Variants in EVC2 observed in about 807,000 individuals in gnomAD.
The protein encoded by EVC2 is limbin.
EVC2 carries 148 observed loss-of-function variants against 149.3 expected under a neutral mutation model. That is an observed-to-expected ratio of 0.99 (90% CI 0.87 to 1.14). The LOEUF (loss-of-function observed/expected upper bound fraction) is 1.14, where lower values mean the gene tolerates loss of function less well. Among genes scored for constraint, EVC2 ranks in the 50% most tolerant of loss-of-function variants. The probability of loss-of-function intolerance (pLI) is 0.00; values close to 1 mark genes in which losing one functional copy is unlikely to be tolerated. For missense variants in EVC2, 1,854 were observed against 1,627.3 expected (o/e 1.14, Z -2.40); for synonymous variants, 776 against 649.9 (o/e 1.19, Z -2.95).
chr4:5,656,051 T>C (rs1718500369), intron 9 of EVC2, among the ~76,000 whole-genome samples: 1 of 152,204 alleles, frequency 6.6e-6, no homozygotes, highest in Non-Finnish European at 1.5e-5. Flanking sequence ...AGAAAAGAGC[T>C]GCTTCCACTC....
intron 21 of EVC2, among the ~76,000 whole-genome samples, chr4:5,563,923 C>G (rs1023154700): frequency 1.3e-5 from 2 of 152,082 alleles, no homozygotes; most frequent in African/African-American, 4.8e-5. Context: ...CATAAAAAAG[C>G]TGCTGGAATC....
chr4:5,585,858 G>T (rs1415315915), intron 16 of EVC2, among the ~76,000 whole-genome samples: 1 of 151,764 alleles, frequency 6.6e-6, no homozygotes, highest in Non-Finnish European at 1.5e-5. Flanking sequence ...TCTAGCTGTT[G>T]TATTTTATTT....
At chr4:5,587,172 T>G (rs1712363110) in intron 16 of EVC2, among the ~76,000 whole-genome samples, 1 of 152,190 alleles carries the variant, frequency 6.6e-6, no homozygotes, top group African/African-American at 2.4e-5. Context: ...TAAGTGACAT[T>G]TAGGATTCAG....
chr4:5,632,091 G>A, intron 10 of EVC2, 59 bp from the exon 11 acceptor site: 3 of 1,604,998 alleles, frequency 1.9e-6, no homozygotes, highest in Non-Finnish European at 1.7e-6. Flanking sequence ...ACCTACATGT[G>A]CATGCAATGC....
chr4:5,592,700 T>C (rs1271288739), intron 16 of EVC2, among the ~76,000 whole-genome samples: 1 of 152,174 alleles, frequency 6.6e-6, no homozygotes, highest in Non-Finnish European at 1.5e-5. Flanking sequence ...ATAACTAGTA[T>C]ATCATCTTCT....
intron 17 of EVC2, among the ~76,000 whole-genome samples, chr4:5,583,572 A>G (rs1711995845): frequency 6.6e-6 from 1 of 152,016 alleles, no homozygotes; most frequent in African/African-American, 2.4e-5. Context: ...ACTTGAGCCA[A>G]TTTTGGTGAT....
At chr4:5,663,688 A>C (rs1719058003) in intron 8 of EVC2, among the ~76,000 whole-genome samples, 1 of 152,166 alleles carries the variant, frequency 6.6e-6, no homozygotes, top group Non-Finnish European at 1.5e-5. Flanking sequence ...TGGGAGGCTG[A>C]GGTGGATGGA....
At chr4:5,639,704 T>C (rs1178408380) in intron 10 of EVC2, among the ~76,000 whole-genome samples, 2 of 152,218 alleles carry the variant, frequency 1.3e-5, no homozygotes, top group African/African-American at 4.8e-5. Context: ...GGCTATATAG[T>C]CCAGAGGGGG....
chr4:5,544,589 A>G (rs919047255), intron 21 of EVC2, among the ~76,000 whole-genome samples: 7 of 152,226 alleles, frequency 4.6e-5, no homozygotes, highest in Admixed American at 2.6e-4. Flanking sequence ...CCAAGAGGGA[A>G]GAGTAGACTC....
At chr4:5,556,464 A>G (rs1721843220) in intron 21 of EVC2, among the ~76,000 whole-genome samples, 1 of 152,056 alleles carries the variant, frequency 6.6e-6, no homozygotes, top group Non-Finnish European at 1.5e-5. Flanking sequence ...AATTTATACT[A>G]TTAAATGCAT....
chr4:5,697,596 C>A lies in EVC2; in HGVS notation c.280G>T (p.Ala94Ser). 1.2e-6 allele frequency: 2 copies of A among 1,614,130 alleles called. No individual in the cohort carries two copies. The highest frequency in any genetic ancestry group is 1.1e-5 in the South Asian group (1 of 91,080). Residue 94 changes from alanine (A) to serine (S), a missense_variant, in exon 2 of 22, where the codon GCA becomes TCA. By Grantham distance (99) the Ala-to-Ser change is moderately conservative. Coordinates refer to ENST00000344408, the MANE Select transcript of EVC2 (RefSeq NM_147127.5). ...PKVECCHFKT[A>S]VEAPLGMKLD... ...ATCAACCAGAAGAAAAACTCACCTG[C>A]AGTCTTAAAGTGACAGCATTCCACT...
At chr4:5,568,318 A>C (rs1195320526) in intron 20 of EVC2, 126 bp downstream of exon 20, 2 of 1,010,858 alleles carry the variant, frequency 2.0e-6, no homozygotes, top group Non-Finnish European at 2.8e-6. Flanking sequence ...TCTATTTAAA[A>C]AATAAATTGG....
intron 9 of EVC2, among the ~76,000 whole-genome samples, chr4:5,642,357 T>A (rs567784456): frequency 2.6e-5 from 4 of 151,020 alleles, no homozygotes; most frequent in African/African-American, 9.7e-5. Context: ...CACAGATGCA[T>A]GCAAGTACAA....
chr4:5,549,918 T>C (rs1721704891), intron 21 of EVC2, among the ~76,000 whole-genome samples: 1 of 152,188 alleles, frequency 6.6e-6, no homozygotes, highest in Non-Finnish European at 1.5e-5. Context: ...TCTTATGAAA[T>C]CTGATGGTTT....
Position 5,698,915 on chromosome 4 carries a change from A to C in EVC2, c.229-1268T>G, listed in dbSNP as rs558466944. 1.9e-3 allele frequency among the ~76,000 whole-genome samples: 283 copies of C among 152,334 alleles called. 2 individuals are homozygous for C. Among genetic ancestry groups the C allele is most frequent in the African/African-American group, 6.5e-3 (269 of 41,590 alleles). ...TGACTAGTCCATGTGGCTACTGTTC[A>C]CATGGCTCTCACGCGGGCCAGACAC... On this transcript the variant is annotated intron_variant, in intron 1 of 21. Coordinates refer to ENST00000344408, the MANE Select transcript of EVC2 (RefSeq NM_147127.5).
In EVC2 at chr4:5,618,465, A is replaced by G. The variant is rs200000369; in HGVS notation, c.2706+13T>C. 231 of 1,612,374 alleles carry G rather than the reference A, an allele frequency of 1.4e-4. No homozygotes were observed. Among genetic ancestry groups the G allele is most frequent in the Non-Finnish European group, 1.8e-4 (218 of 1,180,014 alleles). ...CCTGCTTCTGTAATCGGCCACTGAC[A>G]GGTCCATCCTACCTGCAGCTCAGGG... On this transcript the variant is annotated intron_variant, in intron 15 of 21. Coordinates refer to ENST00000344408, the MANE Select transcript of EVC2 (RefSeq NM_147127.5). This position sits in a 1 kb window ranked among gnomAD's most constrained non-coding sequence, Gnocchi z 4.4.
At chr4:5,704,869 C>CTATATATATATATA (rs145021587) in intron 1 of EVC2, among the ~76,000 whole-genome samples, 11 of 149,928 alleles carry the variant, frequency 7.3e-5, no homozygotes, top group Non-Finnish European at 1.3e-4. Flanking sequence ...TCACACACAG[C>CTATATATATATATA]TATATATATA....
At chr4:5,700,145 A>T (rs972740601) in intron 1 of EVC2, among the ~76,000 whole-genome samples, 1 of 152,226 alleles carries the variant, frequency 6.6e-6, no homozygotes, top group East Asian at 1.9e-4. Context: ...GTCTCAAAAA[A>T]AATAAAAATA....
At chr4:5,652,003 C>G (rs1371947990) in intron 9 of EVC2, among the ~76,000 whole-genome samples, 1 of 152,202 alleles carries the variant, frequency 6.6e-6, no homozygotes, top group Non-Finnish European at 1.5e-5. Flanking sequence ...TGACACGGAG[C>G]CTTGCAGGCC....
Sources: gnomAD v4.1 joint callset for allele counts (sites outside exome capture counted in the v4.1 genomes callset) on GRCh38, gnomAD v4.1.1 for gene constraint, Gnocchi (gnomAD v3.1) non-coding constraint, MANE v1.5 for transcripts, NCBI Gene and HGNC (gene_info 2026-07-23, HGNC 2026-07-21) for gene names.